FAM83E: variants seen among roughly 807,000 people sequenced by gnomAD.
FAM83E encodes the protein scaffolding CK1 anchoring protein E, also known as protein FAM83E.
A neutral mutation model predicts 34.3 loss-of-function variants in FAM83E; 29 were observed. The ratio of observed to expected loss-of-function variants is 0.85; its 90% confidence interval spans 0.63 to 1.15. FAM83E has a LOEUF of 1.15. FAM83E is among the 50% of genes most tolerant of loss of function. The probability of loss-of-function intolerance (pLI) is 0.00; values close to 1 mark genes in which losing one functional copy is unlikely to be tolerated. For synonymous variants in FAM83E, 312 were observed against 311.6 expected (o/e 1.00, Z -0.01); for missense variants, 697 against 685.0 (o/e 1.02, Z -0.20).
chr19:48,606,893 T>G, intron 5 of FAM83E: 1 of 1,488,042 alleles, frequency 6.7e-7, no homozygotes, highest in Non-Finnish European at 8.9e-7. Flanking sequence ...GCAAGAGGAG[T>G]CCTCAGAGGT....
At chr19:48,603,002 C>A (rs1973858243) in intron 6 of FAM83E, among the ~76,000 whole-genome samples, 1 of 151,112 alleles carries the variant, frequency 6.6e-6, no homozygotes, top group Non-Finnish European at 1.5e-5. Context: ...CAGGTGTGCA[C>A]CAACACACCC....
At chr19:48,608,790 G>A (rs1402179012) in intron 5 of FAM83E, among the ~76,000 whole-genome samples, 1 of 151,682 alleles carries the variant, frequency 6.6e-6, no homozygotes, top group Admixed American at 6.6e-5. Flanking sequence ...TCTGGTGCAT[G>A]CACAGGGTTG....
chr19:48,614,260 T>C lies in FAM83E; in HGVS notation c.-888A>G. ...TCTCCATTACTATGGGACAGGTCTA[T>C]GATCTTCACAGCCCATCTAGGTGTG... On this transcript the variant is annotated 5_prime_UTR_variant, in exon 3 of 7. Coordinates refer to ENST00000263266, the MANE Select transcript of FAM83E (RefSeq NM_017708.4). 2.0e-6 allele frequency: 2 copies of C among 985,518 alleles called. No homozygotes were observed. The highest frequency in any genetic ancestry group is 2.4e-6 in the Non-Finnish European group (2 of 830,034). The allele number at this position is 985,518 out of a possible 1,614,324, so 61.0% of individuals were successfully genotyped here. A position where few individuals can be genotyped will look rare whatever the true frequency, so the allele number is the denominator to read the frequency against.
In FAM83E at chr19:48,609,997, C is replaced by T. The variant is rs749545424; in HGVS notation, c.637G>A (p.Val213Met). Residue 213 changes from valine to methionine, a missense_variant, in exon 5 of 7, where the codon GTG becomes ATG. Val to Met is a conservative substitution (Grantham distance 21). Transcript: ENST00000263266. Reference protein sequence around the residue: ...LGVNPWNTENVDVRVVRGCSF... With the variant: ...LGVNPWNTENMDVRVVRGCSF... ...CAGCCCCGCACGACACGGACATCCA[C>T]GTTCTGTTGGTGTGGGGAGTGGAGG... 4.2e-5 allele frequency: 67 copies of T among 1,611,472 alleles called. No individual in the cohort carries two copies. The highest frequency in any genetic ancestry group is 1.2e-4 in the South Asian group (11 of 91,062).
chr19:48,603,458 G>A (rs755213573), intron 6 of FAM83E, 36 bp downstream of exon 6: 2 of 1,501,146 alleles, frequency 1.3e-6, no homozygotes, highest in Non-Finnish European at 1.8e-6. Flanking sequence ...TCCCCTTCCT[G>A]GGCTCCATCT....
chr19:48,601,847 G>C (rs1189200857), intron 6 of FAM83E, among the ~76,000 whole-genome samples: 1 of 149,710 alleles, frequency 6.7e-6, no homozygotes, highest in African/African-American at 2.5e-5. Context: ...AGAGAGGAGA[G>C]AGGGAGGAGA....
Position 48,609,943 on chromosome 19 carries a change from C to G in FAM83E, c.691G>C (p.Val231Leu). 6.2e-7 allele frequency: 1 copy of G among 1,613,158 alleles called. No homozygotes were observed. ...CSFQSRWRRQ[V>L]SGTVREKFVL... ...AACTTCTCCCGCACGGTGCCGCTCACCTGCCGTCGCCAGCGGCTCTGGAAG... is the reference window on the plus strand; with the variant it reads ...AACTTCTCCCGCACGGTGCCGCTCAGCTGCCGTCGCCAGCGGCTCTGGAAG... Residue 231 changes from valine (V) to leucine (L), a missense_variant, in exon 5 of 7, where the codon GTG becomes CTG. Transcript: ENST00000263266.
At chr19:48,607,302 C>A in intron 5 of FAM83E, 1 of 1,597,816 alleles carries the variant, frequency 6.3e-7, no homozygotes, top group Non-Finnish European at 8.5e-7. Flanking sequence ...TGGGGGCCAC[C>A]ACCAGCCTGG....
At chr19:48,605,391 A>C (rs749717703) in intron 5 of FAM83E, among the ~76,000 whole-genome samples, 18 of 152,098 alleles carry the variant, frequency 1.2e-4, no homozygotes, top group Non-Finnish European at 2.5e-4. Flanking sequence ...TGGGCAACAT[A>C]GCAAGACCCC....
chr19:48,613,992 A>G lies in FAM83E; in HGVS notation c.-620T>C. ...CCAATGGCTTCCGACTGACAGTCAC[A>G]GTATCTGCCTGTTGGAGCATCTGTC... On this transcript the variant is annotated 5_prime_UTR_variant, in exon 3 of 7. Coordinates refer to ENST00000263266, the MANE Select transcript of FAM83E (RefSeq NM_017708.4). 1.0e-6 allele frequency: 1 copy of G among 985,362 alleles called. No individual in the cohort carries two copies. Among genetic ancestry groups the G allele is most frequent in the Non-Finnish European group, 1.2e-6 (1 of 829,930 alleles). The allele number at this position is 985,362 out of a possible 1,614,324, so 61.0% of individuals were successfully genotyped here. A position where few individuals can be genotyped will look rare whatever the true frequency, so the allele number is the denominator to read the frequency against.
chr19:48,614,909 G>A lies in FAM83E; in HGVS notation c.-1388+28C>T, dbSNP rs544474799. ...CCCCACAGGCCCCTGGAGGAGGTCC[G>A]GGGGTGCGGCTCACACGCTTTCTTT... On this transcript the variant is annotated intron_variant, in intron 1 of 6. Coordinates refer to ENST00000263266, the MANE Select transcript of FAM83E (RefSeq NM_017708.4). 1.5e-5 allele frequency: 8 copies of A among 516,980 alleles called. No homozygotes were observed. The East Asian group carries it at 4.5e-4, about 29-fold the overall frequency. 32.0% of individuals were successfully genotyped at this position (516,980 alleles called of 1,614,324 possible).
rs1267161107 is a variant in FAM83E, at chr19:48,612,958, G to A, written c.415C>T (p.Gln139Ter). Reference sequence around the variant, plus strand: ...CGCACCAGCTCCTTGAGGGGCGGCTGACCCTCTCCAGGAGGCTGGGTGTAC... The same window carrying A: ...CGCACCAGCTCCTTGAGGGGCGGCTAACCCTCTCCAGGAGGCTGGGTGTAC... The part of the protein sequence containing the change: ...QLYTQPPGEG[Q>*]PPLKELVRLE... Residue 139 changes from glutamine (Q) to a stop codon, truncating the protein, a stop_gained, in exon 3 of 7, where the codon CAG becomes TAG. Coordinates refer to ENST00000263266, the MANE Select transcript of FAM83E (RefSeq NM_017708.4). LOFTEE classifies it high-confidence loss of function. 1 of 1,596,210 alleles carries A rather than the reference G, an allele frequency of 6.3e-7. No homozygotes were observed. The highest frequency in any genetic ancestry group is 1.1e-5 in the South Asian group (1 of 88,676).
chr19:48,614,687 C>A lies in FAM83E; in HGVS notation c.-1256+21G>T, dbSNP rs925415962. On this transcript the variant is annotated intron_variant, in intron 2 of 6. Coordinates refer to ENST00000263266, the MANE Select transcript of FAM83E (RefSeq NM_017708.4). ...CCTCCCCGCCCCACCCTCACCCATCCCCCCCATCGCCGGGGCTCACCCACA... is the reference window on the plus strand; with the variant it reads ...CCTCCCCGCCCCACCCTCACCCATCACCCCCATCGCCGGGGCTCACCCACA... 9.1e-6 allele frequency: 9 copies of A among 984,878 alleles called. No homozygotes were observed. In the African/African-American group the frequency reaches 1.4e-4, roughly 15 times the overall value. 61.0% of individuals were successfully genotyped at this position (984,878 alleles called of 1,614,324 possible).
At chr19:48,602,704 A>AAAAAAAAAAAAAT (rs1973844092) in intron 6 of FAM83E, among the ~76,000 whole-genome samples, 1 of 27,490 alleles carries the variant, frequency 3.6e-5, no homozygotes, top group Non-Finnish European at 6.1e-5. Context: ...AAAAAAAAAA[A>AAAAAAAAAAAAAT]ATATATATAT....
rs1973804753 is a variant in FAM83E, at chr19:48,601,174, G to C, written c.1372C>G (p.Gln458Glu). The C allele has an allele frequency of 6.2e-7, 1 of 1,613,266 alleles. No individual in the cohort carries two copies. Among genetic ancestry groups the C allele is most frequent in the Non-Finnish European group, 8.5e-7 (1 of 1,179,774 alleles). Residue 458 changes from glutamine to glutamate, a missense_variant, in exon 7 of 7, where the codon CAA (glutamine) becomes GAA (glutamate). Physicochemically the swap from Gln to Glu is conservative, Grantham distance 29. Coordinates refer to ENST00000263266, the MANE Select transcript of FAM83E (RefSeq NM_017708.4). ...RFGGDATFKL[Q>E]EPRGVRPSDW... Reference sequence around the variant, plus strand: ...GACGGCCTGACGCCTCTGGGCTCTTGAAGTTTGAATGTAGCATCCCCACCG... The same window carrying C: ...GACGGCCTGACGCCTCTGGGCTCTTCAAGTTTGAATGTAGCATCCCCACCG...
chr19:48,610,056 A>AG, intron 4 of FAM83E, 56 bp from the exon 5 acceptor site: 1 of 1,588,890 alleles, frequency 6.3e-7, no homozygotes, highest in South Asian at 1.1e-5. Flanking sequence ...GCATGGATTC[A>AG]GGCTCCCTCC....
chr19:48,606,856 G>A, intron 5 of FAM83E: 8 of 1,272,940 alleles, frequency 6.3e-6, no homozygotes, highest in Non-Finnish European at 8.5e-6. Context: ...ACCCTGGGAG[G>A]CCAGGACCAG....
At chr19:48,602,825 T>TTTATTATTATTATTA (rs201384936) in intron 6 of FAM83E, among the ~76,000 whole-genome samples, 15 of 113,994 alleles carry the variant, frequency 1.3e-4, no homozygotes, top group African/African-American at 3.8e-4. Flanking sequence ...TTATTTATTG[T>TTTATTATTATTATTA]TTATTATTAT....
In FAM83E at chr19:48,609,973, A is replaced by T; in HGVS notation, c.661T>A (p.Cys221Ser). The T allele has an allele frequency of 6.2e-7, 1 of 1,612,826 alleles. No individual in the cohort carries two copies. The highest frequency in any genetic ancestry group is 1.3e-5 in the African/African-American group (1 of 75,060). Residue 221 changes from cysteine to serine, a missense_variant, in exon 5 of 7, where the codon TGC becomes AGC. By Grantham distance (112) the Cys-to-Ser change is moderately radical. Coordinates refer to ENST00000263266, the MANE Select transcript of FAM83E (RefSeq NM_017708.4). ...ENVDVRVVRG[C>S]SFQSRWRRQV... is the part of the protein sequence containing the mutation. ...CGTCGCCAGCGGCTCTGGAAGCTGCAGCCCCGCACGACACGGACATCCACG... is the reference window on the plus strand; with the variant it reads ...CGTCGCCAGCGGCTCTGGAAGCTGCTGCCCCGCACGACACGGACATCCACG...
Sources: gnomAD v4.1 joint callset for allele counts (sites outside exome capture counted in the v4.1 genomes callset) on GRCh38, gnomAD v4.1.1 for gene constraint, MANE v1.5 for transcripts, NCBI Gene and HGNC (gene_info 2026-07-23, HGNC 2026-07-21) for gene names.